TCP11L2: variants seen among roughly 807,000 people sequenced by gnomAD.
The protein encoded by TCP11L2 is t-complex 11 like 2.
A neutral mutation model predicts 50.7 loss-of-function variants in TCP11L2; 39 were observed. The ratio of observed to expected loss-of-function variants is 0.77; its 90% CI spans 0.60 to 1.01. The LOEUF is 1.01. Among genes scored for constraint, TCP11L2 ranks in the 50% least tolerant of loss-of-function variants. The pLI, the probability that TCP11L2 is intolerant of heterozygous loss-of-function variation, is 0.00. For missense variants in TCP11L2, 612 were observed against 614.7 expected (o/e 1.00, Z 0.05); for synonymous variants, 192 against 219.3 (o/e 0.88, Z 1.10).
At chr12:106,316,902 A>G (rs1220054548) in intron 3 of TCP11L2, among the ~76,000 whole-genome samples, 1 of 152,200 alleles carries the variant, frequency 6.6e-6, no homozygotes, top group African/African-American at 2.4e-5. Flanking sequence ...GAGGTAAAGC[A>G]AAAGACAGGG....
At chr12:106,304,839 A>G (rs1232387058) in intron 1 of TCP11L2, among the ~76,000 whole-genome samples, 2 of 152,216 alleles carry the variant, frequency 1.3e-5, no homozygotes, top group African/African-American at 4.8e-5. Context: ...TTTGCGGTGC[A>G]TAAAGAATGG....
chr12:106,321,761 G>T (rs2035348119), intron 5 of TCP11L2, 55 bp downstream of exon 5: 5 of 1,501,990 alleles, frequency 3.3e-6, no homozygotes, highest in Non-Finnish European at 4.6e-6. Context: ...CATTCAGAAG[G>T]GAAGTTGGGC....
intron 2 of TCP11L2, chr12:106,312,539 A>G: frequency 1.9e-6 from 1 of 537,512 alleles, no homozygotes; most frequent in Non-Finnish European, 2.5e-6. Context: ...TCTGTGTATC[A>G]CCTTTCTCTT....
intron 2 of TCP11L2, among the ~76,000 whole-genome samples, chr12:106,313,578 C>CA (rs1555201334): frequency 1.5e-5 from 1 of 65,366 alleles, no homozygotes; most frequent in African/African-American, 6.9e-5. Context: ...GACTCCATCT[C>CA]AAAAAAATAA....
intron 6 of TCP11L2, chr12:106,325,917 A>T (rs992210625): frequency 1.5e-5 from 2 of 135,132 alleles, no homozygotes; most frequent in African/African-American, 5.4e-5. Flanking sequence ...AAAAAAACCC[A>T]CACACACCAG....
At chr12:106,330,811 G>A (rs1037813523) in intron 6 of TCP11L2, among the ~76,000 whole-genome samples, 2 of 152,086 alleles carry the variant, frequency 1.3e-5, no homozygotes, top group African/African-American at 4.8e-5. Context: ...GCGAGCCCTT[G>A]CAGAGGCATC....
intron 6 of TCP11L2, among the ~76,000 whole-genome samples, chr12:106,333,499 C>T (rs972890069): frequency 9.2e-5 from 14 of 151,884 alleles, no homozygotes; most frequent in East Asian, 7.7e-4. Context: ...GAAAGGGAGA[C>T]GAGAGAACTT....
In TCP11L2 at chr12:106,318,015, A is replaced by G. The variant is rs557380230; in HGVS notation, c.294-329A>G. On this transcript the variant is annotated intron_variant, in intron 3 of 9. Coordinates refer to ENST00000299045, the MANE Select transcript of TCP11L2 (RefSeq NM_152772.3). ...CTTTGCCATCTCATCCCAAAAATGTAGAACAAGTCTAAAGATCTATATAGA... is the reference window on the plus strand; with the variant it reads ...CTTTGCCATCTCATCCCAAAAATGTGGAACAAGTCTAAAGATCTATATAGA... Among the ~76,000 whole-genome samples the G allele has an allele frequency of 3.9e-5, 6 of 152,252 alleles. No homozygotes were observed. In the South Asian group the frequency reaches 1.2e-3, roughly 31 times the overall value.
rs561812870 is a variant in TCP11L2, at chr12:106,328,415, G to A, written c.772+4769G>A. The stretch of plus-strand genomic sequence containing the variant: ...AAAAATTAGCCGGGTGTGGTGGCGC[G>A]TGCCTGTGATCCTAGCTACTTAGGA... On this transcript the variant is annotated intron_variant, in intron 6 of 9. Transcript: ENST00000299045. Among the ~76,000 whole-genome samples, 7 of 152,304 alleles carry A rather than the reference G, an allele frequency of 4.6e-5. No homozygotes were observed. The East Asian group carries it at 9.6e-4, about 21-fold the overall frequency.
chr12:106,341,109 A>T (rs2036082905), intron 9 of TCP11L2, 111 bp downstream of exon 9: 1 of 853,602 alleles, frequency 1.2e-6, no homozygotes, highest in Non-Finnish European at 1.8e-6. Context: ...CCACTTTTGG[A>T]GGATAAATAT....
chr12:106,333,934 AGG>A (rs1304831204), intron 6 of TCP11L2, among the ~76,000 whole-genome samples: 1 of 152,184 alleles, frequency 6.6e-6, no homozygotes, highest in Non-Finnish European at 1.5e-5. Context: ...GAGAGAAGTG[AGG>A]GCTATAGATA....
intron 4 of TCP11L2, among the ~76,000 whole-genome samples, chr12:106,319,770 C>G (rs963976143): frequency 3.3e-5 from 5 of 152,220 alleles, no homozygotes; most frequent in African/African-American, 1.2e-4. Context: ...CAGGGTCACA[C>G]AACTTTGTGG....
chr12:106,298,941 C>G (rs566750958), upstream of TCP11L2, among the ~76,000 whole-genome samples: 1 of 152,178 alleles, frequency 6.6e-6, no homozygotes, highest in African/African-American at 2.4e-5. Flanking sequence ...CCTCAGCCTC[C>G]CAAGTATTTG....
chr12:106,299,955 A>G (rs1198323456), upstream of TCP11L2, among the ~76,000 whole-genome samples: 1 of 152,204 alleles, frequency 6.6e-6, no homozygotes, highest in Non-Finnish European at 1.5e-5. Context: ...TTCTTCATCG[A>G]ACAAAAATTT....
chr12:106,318,420 C>T lies in TCP11L2; in HGVS notation c.370C>T (p.Pro124Ser), dbSNP rs1312366000. 9 of 1,613,950 alleles carry T rather than the reference C, an allele frequency of 5.6e-6. No individual in the cohort carries two copies. The highest frequency in any genetic ancestry group is 1.3e-5 in the African/African-American group (1 of 74,928). The change falls in exon 4 of 10, where the codon CCT becomes TCT. Residue 124 changes from proline (P) to serine (S), a missense_variant. Coordinates refer to ENST00000299045, the MANE Select transcript of TCP11L2 (RefSeq NM_152772.3). Reference sequence around the variant, plus strand: ...GGATTCAGAACTAAATGCTGACCCTCCTGAGTTTGAACATGCCATCAAACT... The same window carrying T: ...GGATTCAGAACTAAATGCTGACCCTTCTGAGTTTGAACATGCCATCAAACT... Reference protein sequence around the residue: ...VLDSELNADPPEFEHAIKLFE... With the variant: ...VLDSELNADPSEFEHAIKLFE...
chr12:106,318,542 G>T, intron 4 of TCP11L2, 78 bp downstream of exon 4: 1 of 1,565,862 alleles, frequency 6.4e-7, no homozygotes. Flanking sequence ...TAGCCTGGGT[G>T]GCTTATAAAC....
chr12:106,304,887 G>A (rs549840750), intron 1 of TCP11L2, among the ~76,000 whole-genome samples: 1 of 152,152 alleles, frequency 6.6e-6, no homozygotes, highest in South Asian at 2.1e-4. Flanking sequence ...GTAGCGGGGT[G>A]GTGAAGAATT....
intron 1 of TCP11L2, chr12:106,304,219 G>C (rs930265225): frequency 1.3e-5 from 2 of 152,358 alleles, no homozygotes; most frequent in Non-Finnish European, 2.9e-5. Flanking sequence ...GGGCCCCAGA[G>C]GGGGAAGCAC....
At chr12:106,322,120 A>G (rs1236332282) in intron 5 of TCP11L2, among the ~76,000 whole-genome samples, 1 of 152,200 alleles carries the variant, frequency 6.6e-6, no homozygotes, top group African/African-American at 2.4e-5. Context: ...GCTATAACAC[A>G]TAAACCCTAA....
Sources: allele counts gnomAD v4.1 joint callset (sites outside exome capture counted in the v4.1 genomes callset), GRCh38; gene constraint gnomAD v4.1.1; transcripts MANE v1.5; gene names NCBI Gene and HGNC (gene_info 2026-07-23, HGNC 2026-07-21).